Variants in RPS6KA2 observed in about 807,000 individuals in gnomAD.
RPS6KA2 encodes ribosomal protein S6 kinase A2.
RPS6KA2 carries 42 observed loss-of-function variants against 91.8 expected under a neutral mutation model. The observed-to-expected ratio is 0.46, with a 90% CI of 0.36 to 0.59. The LOEUF is 0.59. Among genes scored for constraint, RPS6KA2 ranks in the 20% least tolerant of loss-of-function variants. The pLI, the probability that RPS6KA2 is intolerant of heterozygous loss-of-function variation, is 0.00. For synonymous variants in RPS6KA2, 414 were observed against 393.6 expected, an observed-to-expected ratio of 1.05 and a Z score of -0.61; for missense variants, 798 against 978.5, an observed-to-expected ratio of 0.82 and a Z score of 2.46.
intron 1 of RPS6KA2, among the ~76,000 whole-genome samples, chr6:166,568,458 AC>A (rs1268627920): frequency 6.8e-6 from 1 of 147,028 alleles, no homozygotes; most frequent in East Asian, 2.0e-4. Flanking sequence ...TACTAAAGAT[AC>A]AAAAAAAATT....
intron 2 of RPS6KA2, among the ~76,000 whole-genome samples, chr6:166,840,358 C>G (rs1232996392): frequency 1.3e-5 from 2 of 152,170 alleles, no homozygotes. Context: ...AGTGCGACGG[C>G]CTTCCTCTCT....
At chr6:166,526,388 C>G (rs1001426250) in intron 3 of RPS6KA2, among the ~76,000 whole-genome samples, 1 of 144,576 alleles carries the variant, frequency 6.9e-6, no homozygotes, top group African/African-American at 2.6e-5. Context: ...CTCTGTCACC[C>G]AGGCTGGAGT....
At chr6:166,796,762 C>T (rs1779235632) in intron 2 of RPS6KA2, among the ~76,000 whole-genome samples, 3 of 152,196 alleles carry the variant, frequency 2.0e-5, no homozygotes, top group Non-Finnish European at 4.4e-5. Context: ...CTGCACAGTC[C>T]TGAGTGCACG....
intron 1 of RPS6KA2, among the ~76,000 whole-genome samples, chr6:166,552,283 T>G (rs1784043890): frequency 6.6e-6 from 1 of 152,200 alleles, no homozygotes; most frequent in African/African-American, 2.4e-5. Flanking sequence ...GCACCATCCT[T>G]CCTCAGTCTT....
At chr6:166,815,828 G>A (rs1779746583) in intron 2 of RPS6KA2, among the ~76,000 whole-genome samples, 1 of 152,204 alleles carries the variant, frequency 6.6e-6, no homozygotes. Flanking sequence ...ACCGCGGACA[G>A]AGGTTTTTGC....
chr6:166,862,421 A>T (rs1194342794), exon 1 of RPS6KA2: 52 of 1,337,456 alleles, frequency 3.9e-5, no homozygotes, highest in Non-Finnish European at 4.9e-5. Flanking sequence ...CTCCCTGCCA[A>T]GCCAGGGCTC....
At chr6:166,531,031 C>A (rs1583246688) in intron 3 of RPS6KA2, among the ~76,000 whole-genome samples, 1 of 152,198 alleles carries the variant, frequency 6.6e-6, no homozygotes, top group Non-Finnish European at 1.5e-5. Flanking sequence ...TCTTCTCTGA[C>A]AATTGTGGAA....
At chr6:166,685,153 T>A (rs1477259023) in intron 2 of RPS6KA2, among the ~76,000 whole-genome samples, 2 of 131,350 alleles carry the variant, frequency 1.5e-5, no homozygotes, top group Non-Finnish European at 3.2e-5. Context: ...TGATGGAGTA[T>A]GGGTGGGTGT....
At chr6:166,747,615 T>G (rs998462098) in intron 2 of RPS6KA2, among the ~76,000 whole-genome samples, 1 of 152,072 alleles carries the variant, frequency 6.6e-6, no homozygotes, top group African/African-American at 2.4e-5. Flanking sequence ...GACTAAGGCA[T>G]GAGGCTGGGC....
At chr6:166,534,592 G>A (rs908995826) in intron 2 of RPS6KA2, among the ~76,000 whole-genome samples, 16 of 152,228 alleles carry the variant, frequency 1.1e-4, no homozygotes, top group African/African-American at 3.9e-4. Context: ...TGGGGCAGCT[G>A]CCAGTTAAGA....
In RPS6KA2 at chr6:166,732,530, T is replaced by TA. The variant is rs1266451961; in HGVS notation, c.123+125669dup. ...ACTGAACCTTATCACATGGGCTTGC[T>TA]ATGGGAGTTCACATGATTTGAAAAA... On this transcript the variant is annotated intron_variant, in intron 2 of 21. Coordinates refer to the RPS6KA2 transcript ENST00000503859. The surrounding 1 kb of genome is among the most constrained non-coding windows in gnomAD (Gnocchi z 4.0). Among the ~76,000 whole-genome samples the TA allele has an allele frequency of 2.0e-5, 3 of 152,200 alleles. No homozygotes were observed. Among genetic ancestry groups the TA allele is most frequent in the Non-Finnish European group, 4.4e-5 (3 of 68,042 alleles).
chr6:166,668,889 TTTC>T (rs1170084574), intron 2 of RPS6KA2, among the ~76,000 whole-genome samples: 3 of 131,142 alleles, frequency 2.3e-5, no homozygotes, highest in African/African-American at 8.4e-5. Context: ...CCTTCCTTTC[TTTC>T]TTTTCTTTTT....
chr6:166,654,808 C>A (rs1322544122), intron 2 of RPS6KA2, among the ~76,000 whole-genome samples: 1 of 152,208 alleles, frequency 6.6e-6, no homozygotes, highest in African/African-American at 2.4e-5. Context: ...GGAGACCTGT[C>A]ATGTCAACTT....
At chr6:166,696,607 G>A (rs1562388418) in intron 2 of RPS6KA2, among the ~76,000 whole-genome samples, 1 of 152,156 alleles carries the variant, frequency 6.6e-6, no homozygotes, top group Non-Finnish European at 1.5e-5. Context: ...AGGGCTGCAC[G>A]GTGCCCAGAT....
chr6:166,538,508 C>T (rs1045555920), intron 2 of RPS6KA2, among the ~76,000 whole-genome samples, 160 bp downstream of exon 2: 1 of 152,182 alleles, frequency 6.6e-6, no homozygotes, highest in Non-Finnish European at 1.5e-5. Flanking sequence ...CACTGGAATT[C>T]TGGCTGTGCA....
At chr6:166,573,861 C>A (rs1180900613) in intron 1 of RPS6KA2, among the ~76,000 whole-genome samples, 3 of 152,194 alleles carry the variant, frequency 2.0e-5, no homozygotes, top group African/African-American at 7.2e-5. Context: ...GTTAATAGAG[C>A]ATTCAGAGAG....
intron 1 of RPS6KA2, among the ~76,000 whole-genome samples, chr6:166,601,395 T>C (rs1785723964): frequency 1.3e-5 from 2 of 152,220 alleles, no homozygotes; most frequent in South Asian, 4.1e-4. Context: ...AAGAGTTGTG[T>C]CAATCGCAAG....
rs999067594 is a variant in RPS6KA2, at chr6:166,437,801, G to C, written c.1333-5311C>G. Among the ~76,000 whole-genome samples the C allele has an allele frequency of 1.3e-5, 2 of 152,128 alleles. No homozygotes were observed. Among genetic ancestry groups the C allele is most frequent in the African/African-American group, 4.8e-5 (2 of 41,436 alleles). ...GAAGGCGACAACAGGAGACTTCGCTGCTCTTGATAACACCTTTCCTCCTGC... is the reference window on the plus strand; with the variant it reads ...GAAGGCGACAACAGGAGACTTCGCTCCTCTTGATAACACCTTTCCTCCTGC... On this transcript the variant is annotated intron_variant, in intron 14 of 20. Coordinates refer to ENST00000265678, the MANE Select transcript of RPS6KA2 (RefSeq NM_021135.6). The surrounding 1 kb of genome is among the most constrained non-coding windows in gnomAD (Gnocchi z 4.3).
chr6:166,699,983 C>T (rs1212217023), intron 2 of RPS6KA2, among the ~76,000 whole-genome samples: 1 of 152,196 alleles, frequency 6.6e-6, no homozygotes, highest in African/African-American at 2.4e-5. Context: ...ATGACTGTCC[C>T]ATTGGTCTGA....
Sources: gnomAD v4.1 joint callset for allele counts (sites outside exome capture counted in the v4.1 genomes callset) on GRCh38, gnomAD v4.1.1 for gene constraint, Gnocchi (gnomAD v3.1) non-coding constraint, MANE v1.5 for transcripts, NCBI Gene and HGNC (gene_info 2026-07-23, HGNC 2026-07-21) for gene names.